The following RGPD2 variants were observed in gnomAD, a reference collection of about 807,000 sequenced individuals.
The protein encoded by RGPD2 is RANBP2 like and GRIP domain containing 2.
RGPD2 carries 2 observed loss-of-function variants against 36.0 expected under a neutral mutation model. That is an observed-to-expected ratio of 0.06 (90% CI 0.02 to 0.17). RGPD2 has a LOEUF of 0.17. Ranked by LOEUF, RGPD2 falls within the 10% of genes least tolerant of loss-of-function variation. RGPD2 has a pLI of 1.00. For missense variants in RGPD2, 40 were observed against 464.3 expected (o/e 0.09, Z 8.40); for synonymous variants, 19 against 163.8 (o/e 0.12, Z 6.75).
At chr2:87,947,441 T>G in the RGPD2 span, among the ~76,000 whole-genome samples, 3 of 152,304 alleles carry the variant, frequency 2.0e-5, no homozygotes, top group Non-Finnish European at 4.4e-5. Flanking sequence ...ACTCATTTCC[T>G]GCATCAGGGC....
upstream of RGPD2, chr2:87,826,050 T>C: frequency 6.2e-6 from 2 of 325,122 alleles, no homozygotes; most frequent in Non-Finnish European, 1.2e-5. Flanking sequence ...ATATTTTCAT[T>C]TGTATGCTTT....
chr2:87,944,880 G>T, the RGPD2 span, among the ~76,000 whole-genome samples: 1 of 141,046 alleles, frequency 7.1e-6, no homozygotes, highest in Non-Finnish European at 1.5e-5. Context: ...CAAAAGAAAG[G>T]CTCTTTGAGG....
intron 1 of RGPD2, chr2:87,825,098 C>A: frequency 2.6e-6 from 1 of 390,126 alleles, no homozygotes; most frequent in Non-Finnish European, 4.5e-6. Context: ...ACCCTGAGAA[C>A]CAAAGTGAAC....
chr2:87,854,013 C>T, the RGPD2 span, among the ~76,000 whole-genome samples: 4 of 152,098 alleles, frequency 2.6e-5, no homozygotes, highest in African/African-American at 7.3e-5. Context: ...CCAACTCACT[C>T]TGTTTCTTAT....
the RGPD2 span, among the ~76,000 whole-genome samples, chr2:87,860,932 A>T: frequency 2.0e-5 from 3 of 151,548 alleles, no homozygotes; most frequent in Non-Finnish European, 4.4e-5. Context: ...CTTTTTCTCT[A>T]TTATGATCTT....
chr2:87,853,616 A>T, the RGPD2 span, among the ~76,000 whole-genome samples: 2 of 151,112 alleles, frequency 1.3e-5, no homozygotes, highest in Non-Finnish European at 2.9e-5. Context: ...ATTTCTATAC[A>T]TTCTCATTTG....
intron 20 of RGPD2, among the ~76,000 whole-genome samples, chr2:87,781,464 G>GTTTTTTTTTTTTT (rs879124297): frequency 8.9e-6 from 1 of 112,612 alleles, no homozygotes; most frequent in African/African-American, 3.4e-5. Flanking sequence ...TTGTTTTTTT[G>GTTTTTTTTTTTTT]TTTTTTTTTT....
the RGPD2 span, among the ~76,000 whole-genome samples, chr2:87,915,068 A>G: frequency 7.9e-5 from 12 of 151,814 alleles, no homozygotes; most frequent in Non-Finnish European, 1.6e-4. Context: ...AATCGCTTCA[A>G]TGCAGGAGGT....
the RGPD2 span, among the ~76,000 whole-genome samples, chr2:87,863,613 G>A: frequency 3.4e-4 from 51 of 152,092 alleles, 1 homozygote; most frequent in African/African-American, 1.1e-3. Flanking sequence ...TGATGTGACC[G>A]GTTTCCAAAA....
At chr2:87,852,700 G>A in the RGPD2 span, among the ~76,000 whole-genome samples, 4 of 152,264 alleles carry the variant, frequency 2.6e-5, no homozygotes, top group African/African-American at 9.6e-5. Flanking sequence ...TGTTTCTACT[G>A]CGCAGAATGT....
chr2:87,873,703 G>A, the RGPD2 span, among the ~76,000 whole-genome samples: 1 of 152,086 alleles, frequency 6.6e-6, no homozygotes, highest in Non-Finnish European at 1.5e-5. Context: ...GAAGGAAAAG[G>A]AGGAGCAAAG....
the RGPD2 span, among the ~76,000 whole-genome samples, chr2:87,924,604 A>C: frequency 6.6e-6 from 1 of 152,342 alleles, no homozygotes; most frequent in Admixed American, 6.5e-5. Context: ...AAAGCTTTAG[A>C]ATGCCAGTAA....
chr2:87,913,700 AG>A, the RGPD2 span, among the ~76,000 whole-genome samples: 1 of 151,782 alleles, frequency 6.6e-6, no homozygotes, highest in Non-Finnish European at 1.5e-5. Flanking sequence ...AGTATTCTGT[AG>A]ATGGTTTTCA....
chr2:87,964,815 A>ATTTATT, the RGPD2 span, among the ~76,000 whole-genome samples: 4 of 77,954 alleles, frequency 5.1e-5, no homozygotes, highest in African/African-American at 1.5e-4. Flanking sequence ...TTATTTATTT[A>ATTTATT]TTTTTCTTTT....
the RGPD2 span, among the ~76,000 whole-genome samples, chr2:87,841,206 G>A: frequency 1.3e-5 from 2 of 150,874 alleles, no homozygotes; most frequent in Non-Finnish European, 1.5e-5. Context: ...TTGTTTAAAA[G>A]TATGTGGTAC....
chr2:87,836,314 A>G, the RGPD2 span, among the ~76,000 whole-genome samples: 1 of 149,100 alleles, frequency 6.7e-6, no homozygotes, highest in Admixed American at 6.7e-5. Flanking sequence ...AAAAAGAGAG[A>G]GAGGGAGGAC....
At chr2:87,832,790 T>TA in the RGPD2 span, among the ~76,000 whole-genome samples, 25 of 145,136 alleles carry the variant, frequency 1.7e-4, no homozygotes, top group South Asian at 8.9e-4. Context: ...AACCTTTCTT[T>TA]AAAAAAAAAA....
chr2:87,885,333 G>C, the RGPD2 span, among the ~76,000 whole-genome samples: 4 of 152,114 alleles, frequency 2.6e-5, no homozygotes, highest in South Asian at 4.1e-4. Flanking sequence ...TAACAAATTA[G>C]GTAAAGAAGG....
the RGPD2 span, among the ~76,000 whole-genome samples, chr2:87,967,373 A>C: frequency 6.7e-6 from 1 of 149,950 alleles, no homozygotes; most frequent in African/African-American, 2.5e-5. Flanking sequence ...GCGCCACTGC[A>C]CCTCCAGCCT....
Sources: gnomAD v4.1 joint callset for allele counts (sites outside exome capture counted in the v4.1 genomes callset) on GRCh38, gnomAD v4.1.1 for gene constraint, MANE v1.5 for transcripts, NCBI Gene and HGNC (gene_info 2026-07-23, HGNC 2026-07-21) for gene names.